UGT1A4: variants seen among roughly 807,000 people sequenced by gnomAD.
UGT1A4 encodes the protein UDP glucuronosyltransferase family 1 member A4.
UGT1A4 carries 32 observed loss-of-function variants against 41.1 expected under a neutral mutation model. The observed-to-expected ratio is 0.78, with a 90% CI of 0.59 to 1.05. The LOEUF is 1.05. UGT1A4 is among the 50% of genes least tolerant of loss of function. UGT1A4 has a pLI of 0.00. For missense variants in UGT1A4, 748 were observed against 677.4 expected, an observed-to-expected ratio of 1.10 and a Z score of -1.16; for synonymous variants, 283 against 265.1, an observed-to-expected ratio of 1.07 and a Z score of -0.66.
chr2:233,762,496 C>A (rs923496675), intron 1 of UGT1A4, among the ~76,000 whole-genome samples: 3 of 152,178 alleles, frequency 2.0e-5, no homozygotes, highest in Non-Finnish European at 4.4e-5. Flanking sequence ...AATGCTATTA[C>A]TTTTTAAACT....
At position 233,767,839 on chromosome 2, in the gene UGT1A4, C is replaced by A; in HGVS notation, c.1000-10C>A. The A allele has an allele frequency of 6.2e-7, 1 of 1,614,144 alleles. No individual in the cohort carries two copies. Among genetic ancestry groups the A allele is most frequent in the Non-Finnish European group, 8.5e-7 (1 of 1,180,028 alleles). ...CTTTCTTTACGTTCTGCTCTTTTTG[C>A]CCCTCCCAGGTCCTGTGGCGGTACA... On this transcript the variant is annotated splice_polypyrimidine_tract_variant and intron_variant, in intron 2 of 4. Coordinates refer to ENST00000373409, the MANE Select transcript of UGT1A4 (RefSeq NM_007120.3).
intron 1 of UGT1A4, chr2:233,729,881 C>T (rs1164878821): frequency 1.9e-6 from 3 of 1,613,778 alleles, no homozygotes; most frequent in Admixed American, 3.3e-5. Flanking sequence ...CTCAGTCATG[C>T]ATCTGTGTGG....
chr2:233,740,789 C>T (rs1289641482), intron 1 of UGT1A4: 2 of 151,852 alleles, frequency 1.3e-5, no homozygotes, highest in Non-Finnish European at 2.9e-5. Context: ...TGAATACCCA[C>T]ATAACAGGCT....
chr2:233,747,536 G>T (rs1693706230), intron 1 of UGT1A4: 1 of 1,605,072 alleles, frequency 6.2e-7, no homozygotes, highest in Non-Finnish European at 8.5e-7. Flanking sequence ...ATTTTCTGAA[G>T]ACATTTTCTA....
In UGT1A4 at chr2:233,760,964, T is replaced by C. The variant is rs1355767569; in HGVS notation, c.868-6070T>C. ...TCACAGAACTTTCTGTGCGACGTGGTTTATTCCCCGTATGCAACCCTTGCC... is the reference window on the plus strand; with the variant it reads ...TCACAGAACTTTCTGTGCGACGTGGCTTATTCCCCGTATGCAACCCTTGCC... On this transcript the variant is annotated intron_variant, in intron 1 of 4. Coordinates refer to ENST00000373409, the MANE Select transcript of UGT1A4 (RefSeq NM_007120.3). The C allele has an allele frequency of 6.2e-7, 1 of 1,614,182 alleles. No individual in the cohort carries two copies. Among genetic ancestry groups the C allele is most frequent in the East Asian group, 2.2e-5 (1 of 44,880 alleles).
chr2:233,739,271 C>T lies in UGT1A4; in HGVS notation c.867+19584C>T, dbSNP rs541301086. ...GTGGTAAAGAAATGTGAGGTTGGAG[C>T]CCCCACACAGAGTCTCCACTGGGGC... On this transcript the variant is annotated intron_variant, in intron 1 of 4. Coordinates refer to ENST00000373409, the MANE Select transcript of UGT1A4 (RefSeq NM_007120.3). Among the ~76,000 whole-genome samples, 6 of 152,262 alleles carry T rather than the reference C, an allele frequency of 3.9e-5. No individual in the cohort carries two copies. The East Asian group carries it at 1.2e-3, about 29-fold the overall frequency.
At chr2:233,756,948 G>A (rs530775201) in intron 1 of UGT1A4, among the ~76,000 whole-genome samples, 1 of 152,072 alleles carries the variant, frequency 6.6e-6, no homozygotes, top group African/African-American at 2.4e-5. Flanking sequence ...CCTGAAACCC[G>A]GACTTGGCAC....
intron 1 of UGT1A4, among the ~76,000 whole-genome samples, chr2:233,749,576 ACT>A (rs1258073288): frequency 2.6e-5 from 4 of 151,762 alleles, no homozygotes; most frequent in African/African-American, 9.7e-5. Context: ...GAGGCCACTG[ACT>A]CTGTCTCAAC....
chr2:233,754,783 A>T (rs1413536581), intron 1 of UGT1A4: 1 of 1,152,612 alleles, frequency 8.7e-7, no homozygotes, highest in Admixed American at 2.2e-5. Context: ...GAGCCAAAGG[A>T]ACGAAATCCT....
chr2:233,766,840 C>G (rs1430018242), intron 1 of UGT1A4, among the ~76,000 whole-genome samples, 194 bp from the exon 2 acceptor site: 6 of 152,184 alleles, frequency 3.9e-5, no homozygotes, highest in Admixed American at 2.0e-4. Flanking sequence ...AGCAGGAACC[C>G]TTCCTCCTTT....
At chr2:233,746,276 T>A (rs1693346507) in intron 1 of UGT1A4, among the ~76,000 whole-genome samples, 1 of 151,642 alleles carries the variant, frequency 6.6e-6, no homozygotes, top group African/African-American at 2.4e-5. Flanking sequence ...GCTGTGGGGA[T>A]TCAAGGAAGG....
rs368882210 is a variant in UGT1A4 at position 233,718,907 on chromosome 2, A to G, written c.87A>G (p.Gly29=). The G allele has an allele frequency of 5.1e-5, 83 of 1,614,008 alleles. No homozygotes were observed. In the East Asian group the frequency reaches 5.3e-4, roughly 10 times the overall value. Residue 29 remains glycine, a synonymous_variant, in exon 1 of 5, where the codon GGA becomes GGG. Coordinates refer to ENST00000373409, the MANE Select transcript of UGT1A4 (RefSeq NM_007120.3). ...LLSVQPWAES[G]KVLVVPTDGS... ...GTGTCCAGCCCTGGGCTGAGAGTGG[A>G]AAGGTGTTGGTGGTGCCCACTGATG...
intron 1 of UGT1A4, among the ~76,000 whole-genome samples, chr2:233,724,591 T>C (rs2077285744): frequency 8.2e-6 from 1 of 122,228 alleles, no homozygotes; most frequent in Non-Finnish European, 1.7e-5. Context: ...TCCCCACATC[T>C]CAGACGATGG....
Position 233,772,431 on chromosome 2 carries a change from A to T in UGT1A4, c.1477A>T (p.Ile493Phe). ...GTACCAGTACCATTCCTTGGACGTG[A>T]TTGGTTTCCTCTTGGCCGTCGTGCT... ...TWYQYHSLDV[I>F]GFLLAVVLTV... The change falls in exon 5 of 5, where the codon ATT becomes TTT. Residue 493 changes from isoleucine to phenylalanine, a missense_variant. Ile to Phe is a conservative substitution (Grantham distance 21, BLOSUM62 0). Coordinates refer to ENST00000373409, the MANE Select transcript of UGT1A4 (RefSeq NM_007120.3). 1 of 1,614,128 alleles carries T rather than the reference A, an allele frequency of 6.2e-7. No individual in the cohort carries two copies. Among genetic ancestry groups the T allele is most frequent in the Non-Finnish European group, 8.5e-7 (1 of 1,180,030 alleles).
At chr2:233,767,959 A>G in intron 3 of UGT1A4, 23 bp downstream of exon 3, 1 of 1,614,218 alleles carries the variant, frequency 6.2e-7, no homozygotes, top group Non-Finnish European at 8.5e-7. Flanking sequence ...GATTGGATGT[A>G]TAGGTCAAAC....
intron 1 of UGT1A4, chr2:233,747,180 G>C (rs1336341084): frequency 3.1e-6 from 5 of 1,601,796 alleles, no homozygotes; most frequent in Non-Finnish European, 4.3e-6. Flanking sequence ...CACAGCGTGG[G>C]GTGGACAGTC....
intron 1 of UGT1A4, among the ~76,000 whole-genome samples, chr2:233,736,548 C>T (rs547329540): frequency 1.4e-4 from 21 of 152,318 alleles, no homozygotes; most frequent in Admixed American, 5.9e-4. Flanking sequence ...CAGCTTTGCT[C>T]CATTGCTAGC....
chr2:233,757,311 G>T (rs1320628354), intron 1 of UGT1A4, among the ~76,000 whole-genome samples: 1 of 149,170 alleles, frequency 6.7e-6, no homozygotes, highest in Non-Finnish European at 1.5e-5. Context: ...GGGACAGGGG[G>T]GCTGGGGCCC....
At chr2:233,758,809 A>G (rs563319079) in intron 1 of UGT1A4, among the ~76,000 whole-genome samples, 28 of 152,366 alleles carry the variant, frequency 1.8e-4, no homozygotes, top group Non-Finnish European at 3.7e-4. Flanking sequence ...TGTATAGTAC[A>G]GCAGTATATC....
Sources: allele counts gnomAD v4.1 joint callset (sites outside exome capture counted in the v4.1 genomes callset), GRCh38; gene constraint gnomAD v4.1.1; transcripts MANE v1.5; gene names NCBI Gene and HGNC (gene_info 2026-07-23, HGNC 2026-07-21).